Variants in PTPDC1 observed in about 807,000 individuals in gnomAD.
PTPDC1 encodes the protein protein tyrosine phosphatase domain containing 1.
A neutral mutation model predicts 75.3 loss-of-function variants in PTPDC1; 53 were observed. The observed-to-expected ratio is 0.70, with a 90% CI of 0.56 to 0.88. The LOEUF (loss-of-function observed/expected upper bound fraction) is 0.88, where lower values mean the gene tolerates loss of function less well. PTPDC1 is among the 40% of genes least tolerant of loss of function. The pLI, the probability that PTPDC1 is intolerant of heterozygous loss-of-function variation, is 0.00. For missense variants in PTPDC1, 925 were observed against 998.6 expected, an observed-to-expected ratio of 0.93 and a Z score of 0.99; for synonymous variants, 349 against 366.2, an observed-to-expected ratio of 0.95 and a Z score of 0.54.
chr9:94,099,617 T>TA (rs754989837), intron 6 of PTPDC1, among the ~76,000 whole-genome samples: 2 of 152,260 alleles, frequency 1.3e-5, no homozygotes, highest in Non-Finnish European at 2.9e-5. Flanking sequence ...ATCCAATAGT[T>TA]AAATGTATTG....
chr9:94,038,337 A>G lies in PTPDC1; in HGVS notation c.-7+7210A>G, dbSNP rs1825334183. The stretch of plus-strand genomic sequence containing the variant: ...ATAGCTTATCTCAAAAAAAGCTACT[A>G]GTGAGTAATTATTGACCACTGCCTT... On this transcript the variant is annotated intron_variant, in intron 1 of 9. Coordinates refer to the PTPDC1 transcript ENST00000375360. 4 of 612,196 alleles carry G rather than the reference A, an allele frequency of 6.5e-6. No homozygotes were observed. The Admixed American group carries it at 8.7e-5, about 13-fold the overall frequency. 37.9% of individuals were successfully genotyped at this position (612,196 alleles called of 1,614,324 possible).
At chr9:94,059,130 T>C (rs948690831) in intron 1 of PTPDC1, among the ~76,000 whole-genome samples, 1 of 152,216 alleles carries the variant, frequency 6.6e-6, no homozygotes, top group Admixed American at 6.5e-5. Context: ...CCTTGCGATA[T>C]CTTACTTAAA....
chr9:94,049,265 G>A (rs983612863), intron 1 of PTPDC1, among the ~76,000 whole-genome samples: 1 of 152,152 alleles, frequency 6.6e-6, no homozygotes, highest in African/African-American at 2.4e-5. Flanking sequence ...CCTGATGTTA[G>A]CTGGTTATTT....
chr9:94,062,977 C>T (rs377629820), intron 1 of PTPDC1, among the ~76,000 whole-genome samples: 15 of 152,294 alleles, frequency 9.8e-5, no homozygotes, highest in African/African-American at 3.6e-4. Flanking sequence ...AAAGGTGAAC[C>T]AGTCATAACT....
intron 1 of PTPDC1, among the ~76,000 whole-genome samples, chr9:94,057,748 A>G (rs1825990482): frequency 6.6e-6 from 1 of 152,236 alleles, no homozygotes; most frequent in African/African-American, 2.4e-5. Context: ...TATTTGAAAT[A>G]TAATTTTTGA....
intron 4 of PTPDC1, 108 bp downstream of exon 4, chr9:94,088,371 AT>A (rs1827151927): frequency 1.5e-6 from 2 of 1,309,424 alleles, no homozygotes; most frequent in Admixed American, 5.0e-5. Flanking sequence ...TACCTTCTGC[AT>A]CATAGTAAGG....
chr9:94,058,814 C>A (rs1564014940), intron 1 of PTPDC1, among the ~76,000 whole-genome samples: 1 of 152,096 alleles, frequency 6.6e-6, no homozygotes, highest in African/African-American at 2.4e-5. Flanking sequence ...CATGGCAAAA[C>A]CCCATCTCTA....
At chr9:94,099,296 G>A (rs1018829127) in intron 6 of PTPDC1, among the ~76,000 whole-genome samples, 2 of 152,090 alleles carry the variant, frequency 1.3e-5, no homozygotes, top group South Asian at 2.1e-4. Flanking sequence ...ACCTGTTCTC[G>A]AGAAAAGATA....
chr9:94,049,676 C>G (rs1353959283), intron 1 of PTPDC1, among the ~76,000 whole-genome samples: 1 of 152,172 alleles, frequency 6.6e-6, no homozygotes, highest in Non-Finnish European at 1.5e-5. Context: ...TTTGGTGAAT[C>G]TGACAATTAT....
chr9:94,059,679 A>G (rs913718868), intron 1 of PTPDC1, among the ~76,000 whole-genome samples: 1 of 152,226 alleles, frequency 6.6e-6, no homozygotes, highest in Admixed American at 6.5e-5. Context: ...CCCCAGCCCC[A>G]GAATAACTAA....
upstream of PTPDC1, among the ~76,000 whole-genome samples, chr9:94,081,632 G>A (rs955579192): frequency 1.4e-4 from 21 of 152,228 alleles, no homozygotes; most frequent in African/African-American, 4.8e-4. Context: ...GATCATCGGA[G>A]GCCTTAGCAA....
intron 4 of PTPDC1, among the ~76,000 whole-genome samples, chr9:94,091,723 T>C (rs1372964756): frequency 6.6e-6 from 1 of 152,204 alleles, no homozygotes; most frequent in African/African-American, 2.4e-5. Flanking sequence ...TGTACTCTTT[T>C]TGGTTGGTAA....
chr9:94,055,366 A>G (rs1362103287), intron 1 of PTPDC1, among the ~76,000 whole-genome samples: 1 of 152,188 alleles, frequency 6.6e-6, no homozygotes, highest in Non-Finnish European at 1.5e-5. Flanking sequence ...ATGAGCAGAA[A>G]ACTTAGGTCT....
intron 3 of PTPDC1, 47 bp from the exon 4 acceptor site, chr9:94,088,098 T>C (rs572687251): frequency 6.3e-7 from 1 of 1,585,992 alleles, no homozygotes; most frequent in African/African-American, 1.4e-5. Flanking sequence ...GTTAATTTTT[T>C]TTAAATGCTA....
rs748544719 is a variant in PTPDC1 at position 94,107,933 on chromosome 9, C to T, written c.2416C>T (p.Pro806Ser). Residue 806 changes from proline to serine, a missense_variant, in exon 9 of 9, where the codon CCT (proline) becomes TCT (serine). Transcript: ENST00000620992. Reference sequence around the variant, plus strand: ...AAAAATGACAAAAGATGGCCCTAAGCCTGGCCTCTAGCTTTCACTCGTGGT... The same window carrying T: ...AAAAATGACAAAAGATGGCCCTAAGTCTGGCCTCTAGCTTTCACTCGTGGT... ...KRKMTKDGPK[P>S]GL 2.5e-6 allele frequency: 4 copies of T among 1,587,490 alleles called. No individual in the cohort carries two copies. Among genetic ancestry groups the T allele is most frequent in the East Asian group, 4.5e-5 (2 of 44,354 alleles).
chr9:94,054,575 GT>G (rs1587851713), intron 1 of PTPDC1, among the ~76,000 whole-genome samples: 1 of 152,102 alleles, frequency 6.6e-6, no homozygotes, highest in East Asian at 1.9e-4. Context: ...CCTGATATTT[GT>G]CTGAGATAAC....
chr9:94,105,784 T>C (rs548397177), intron 8 of PTPDC1, among the ~76,000 whole-genome samples: 36 of 151,166 alleles, frequency 2.4e-4, no homozygotes, highest in Middle Eastern at 3.4e-3. Flanking sequence ...CTGGATAACA[T>C]GGTGAAACCC....
intron 1 of PTPDC1, among the ~76,000 whole-genome samples, chr9:94,053,690 C>G (rs1487937845): frequency 1.3e-5 from 2 of 152,326 alleles, no homozygotes; most frequent in Non-Finnish European, 2.9e-5. Context: ...GCATCCGTAT[C>G]AAGCCTCTGT....
At chr9:94,045,721 T>A (rs1825575762) in intron 1 of PTPDC1, among the ~76,000 whole-genome samples, 1 of 152,190 alleles carries the variant, frequency 6.6e-6, no homozygotes, top group African/African-American at 2.4e-5. Flanking sequence ...TTTGTTTGAG[T>A]TCATTGTAGA....
Sources: allele counts gnomAD v4.1 joint callset (sites outside exome capture counted in the v4.1 genomes callset), GRCh38; gene constraint gnomAD v4.1.1; transcripts MANE v1.5; gene names NCBI Gene and HGNC (gene_info 2026-07-23, HGNC 2026-07-21).